HS6ST2: variants seen among roughly 807,000 people sequenced by gnomAD.
The protein encoded by HS6ST2 is heparan-sulfate 6-O-sulfotransferase 2.
Under a neutral mutation model 33.0 loss-of-function variants are expected in HS6ST2, and 17 were observed. The observed-to-expected ratio is 0.52, with a 90% CI of 0.35 to 0.77. HS6ST2 has a LOEUF of 0.77. Among genes scored for constraint, HS6ST2 ranks in the 30% least tolerant of loss-of-function variants. The pLI, the probability that HS6ST2 is intolerant of heterozygous loss-of-function variation, is 0.01. For missense variants in HS6ST2, 519 were observed against 551.7 expected, an observed-to-expected ratio of 0.94 and a Z score of 0.59; for synonymous variants, 248 against 237.1, an observed-to-expected ratio of 1.05 and a Z score of -0.42.
chrX:132,715,783 C>T (rs971540253), intron 2 of HS6ST2, among the ~76,000 whole-genome samples: 2 of 112,467 alleles, frequency 1.8e-5, no homozygotes, highest in African/African-American at 3.2e-5. Context: ...CCATAAAAGA[C>T]CCCAAGGATT....
chrX:132,760,708 G>A (rs1403161390), intron 2 of HS6ST2, among the ~76,000 whole-genome samples: 1 of 110,905 alleles, frequency 9.0e-6, no homozygotes, highest in African/African-American at 3.3e-5. Flanking sequence ...GAGAGAATGA[G>A]CACTTCGAGT....
chrX:132,861,848 C>G (rs958849266), intron 2 of HS6ST2, among the ~76,000 whole-genome samples: 2 of 111,598 alleles, frequency 1.8e-5, no homozygotes, highest in Non-Finnish European at 3.8e-5. Context: ...CCTTTTTATT[C>G]TATGTATATT....
intron 4 of HS6ST2, among the ~76,000 whole-genome samples, chrX:132,655,499 T>C (rs1161721485): frequency 1.8e-5 from 2 of 111,809 alleles, no homozygotes; most frequent in East Asian, 2.8e-4. Flanking sequence ...TCAAAGAGAT[T>C]AACTTGTCCA....
intron 3 of HS6ST2, among the ~76,000 whole-genome samples, chrX:132,705,971 C>G (rs2064185758): frequency 9.0e-6 from 1 of 111,436 alleles, no homozygotes; most frequent in African/African-American, 3.3e-5. Context: ...TTTTAAAATT[C>G]TGATTCAGTT....
intron 2 of HS6ST2, among the ~76,000 whole-genome samples, chrX:132,865,968 A>G (rs1192569412): frequency 1.8e-5 from 2 of 111,579 alleles, no homozygotes; most frequent in East Asian, 5.6e-4. Context: ...TTCTGTGCAG[A>G]AGCTCTTGAG....
At chrX:132,860,574 G>A (rs1156995540) in intron 2 of HS6ST2, among the ~76,000 whole-genome samples, 1 of 111,542 alleles carries the variant, frequency 9.0e-6, no homozygotes, top group African/African-American at 3.3e-5. Flanking sequence ...GGGCAAAGGA[G>A]AATAAAAGGC....
chrX:132,839,315 T>C (rs945406759), intron 2 of HS6ST2, among the ~76,000 whole-genome samples: 234 of 21,098 alleles, frequency 0.011, no homozygotes, highest in Middle Eastern at 0.043. Flanking sequence ...TATATATATA[T>C]ACACACACAT....
chrX:132,716,878 A>C (rs1202770934), intron 2 of HS6ST2, among the ~76,000 whole-genome samples: 2 of 112,291 alleles, frequency 1.8e-5, no homozygotes, highest in African/African-American at 6.5e-5. Context: ...TCAAATCAGA[A>C]GGAAGGTTTT....
At chrX:132,650,769 C>CTCTCTCTT (rs2063685084) in intron 4 of HS6ST2, among the ~76,000 whole-genome samples, 1 of 104,765 alleles carries the variant, frequency 9.5e-6, no homozygotes, top group Non-Finnish European at 2.0e-5. Context: ...CTCTCTCTCT[C>CTCTCTCTT]TCTTCTTTTT....
intron 2 of HS6ST2, among the ~76,000 whole-genome samples, chrX:132,716,439 A>C (rs2064274315): frequency 8.9e-6 from 1 of 112,126 alleles, no homozygotes; most frequent in African/African-American, 3.2e-5. Flanking sequence ...CATAAAATAA[A>C]ACCTGGCTTG....
rs2065688009 is a variant in HS6ST2, at chrX:132,839,564, G to A, written c.947+117244C>T. ...CGGAAGGGTGGGAGTGTGGGAAGGG[G>A]TTGAGGGATGAGAAATTACTTAATA... is the stretch of plus-strand genomic sequence containing the variant. On this transcript the variant is annotated intron_variant, in intron 2 of 4. Coordinates refer to ENST00000370833, the MANE Select transcript of HS6ST2 (RefSeq NM_001394073.1). 3.7e-5 allele frequency among the ~76,000 whole-genome samples: 4 copies of A among 108,989 alleles called. No homozygotes were observed. The South Asian group carries it at 1.6e-3, about 44-fold the overall frequency. 94.6% of individuals were successfully genotyped at this position (108,989 alleles called of 115,157 possible).
At chrX:132,806,487 G>GAGAC (rs2065284800) in intron 2 of HS6ST2, among the ~76,000 whole-genome samples, 1 of 110,094 alleles carries the variant, frequency 9.1e-6, no homozygotes, top group African/African-American at 3.3e-5. Context: ...CTATCACAGT[G>GAGAC]ATGTTCCAGA....
At chrX:132,947,842 T>C (rs1221326658) in intron 2 of HS6ST2, among the ~76,000 whole-genome samples, 1 of 111,593 alleles carries the variant, frequency 9.0e-6, no homozygotes, top group East Asian at 2.8e-4. Flanking sequence ...TTGGTCCCCC[T>C]AGTCAATTTC....
At chrX:132,767,076 T>C (rs1245300458) in intron 2 of HS6ST2, among the ~76,000 whole-genome samples, 1 of 111,566 alleles carries the variant, frequency 9.0e-6, no homozygotes, top group Non-Finnish European at 1.9e-5. Flanking sequence ...CAGTTCTAGG[T>C]AGGCAAAAAA....
intron 2 of HS6ST2, among the ~76,000 whole-genome samples, chrX:132,821,315 C>A (rs1351521727): frequency 1.9e-5 from 2 of 106,814 alleles, no homozygotes; most frequent in African/African-American, 6.9e-5. Flanking sequence ...CGGGTTCACG[C>A]CATTCTCCTT....
intron 2 of HS6ST2, among the ~76,000 whole-genome samples, chrX:132,952,832 C>T (rs2067028223): frequency 9.0e-6 from 1 of 111,168 alleles, no homozygotes; most frequent in Admixed American, 9.6e-5. Flanking sequence ...CAAGACCTAC[C>T]CCTGGTGAAT....
chrX:132,878,613 T>C (rs1430890391), intron 2 of HS6ST2, among the ~76,000 whole-genome samples: 1 of 112,164 alleles, frequency 8.9e-6, no homozygotes, highest in East Asian at 2.8e-4. Context: ...TGCTCAAAGA[T>C]GGTGAATGAT....
At chrX:132,899,726 T>C (rs144185259) in intron 2 of HS6ST2, among the ~76,000 whole-genome samples, 363 of 111,600 alleles carry the variant, frequency 3.3e-3, no homozygotes, top group African/African-American at 0.011. Context: ...ATGAAAACTA[T>C]AAATGCGCAA....
intron 2 of HS6ST2, among the ~76,000 whole-genome samples, 196 bp downstream of exon 2, chrX:132,956,612 G>A (rs1447832827): frequency 1.8e-5 from 2 of 112,695 alleles, no homozygotes; most frequent in Admixed American, 1.8e-4. Flanking sequence ...GTCAGTCCGG[G>A]GCCGGAGCGG....
Sources: allele counts gnomAD v4.1 joint callset (sites outside exome capture counted in the v4.1 genomes callset), GRCh38; gene constraint gnomAD v4.1.1; transcripts MANE v1.5; gene names NCBI Gene and HGNC (gene_info 2026-07-23, HGNC 2026-07-21).